Variants in CDH8 observed in about 807,000 individuals in gnomAD.
CDH8 encodes cadherin 8.
Under a neutral mutation model 68.1 loss-of-function variants are expected in CDH8, and 17 were observed. That is an observed-to-expected ratio of 0.25 (90% CI 0.17 to 0.37). The LOEUF (loss-of-function observed/expected upper bound fraction) is 0.37, where lower values mean the gene tolerates loss of function less well. Among genes scored for constraint, CDH8 ranks in the 10% least tolerant of loss-of-function variants. The probability of loss-of-function intolerance (pLI) is 1.00; values close to 1 mark genes in which losing one functional copy is unlikely to be tolerated. For missense variants in CDH8, 763 were observed against 999.3 expected (o/e 0.76, Z 3.19); for synonymous variants, 372 against 365.1 (o/e 1.02, Z -0.21).
chr16:61,824,132 T>C (rs1962277372), intron 5 of CDH8, among the ~76,000 whole-genome samples: 1 of 151,734 alleles, frequency 6.6e-6, no homozygotes, highest in Admixed American at 6.6e-5. Flanking sequence ...ACAACATGAA[T>C]GAACCTAGAG....
intron 10 of CDH8, among the ~76,000 whole-genome samples, chr16:61,697,300 C>T (rs1236959488): frequency 3.3e-5 from 5 of 152,002 alleles, no homozygotes; most frequent in South Asian, 2.1e-4. Flanking sequence ...GAAACACTCA[C>T]ACAACTGTAC....
intron 2 of CDH8, among the ~76,000 whole-genome samples, chr16:61,932,915 AT>A (rs1334229180): frequency 2.0e-5 from 3 of 152,206 alleles, no homozygotes; most frequent in African/African-American, 7.2e-5. Flanking sequence ...TTTAATGTCT[AT>A]GAAGCTTCCA....
At chr16:61,866,558 T>C (rs1030244280) in intron 3 of CDH8, among the ~76,000 whole-genome samples, 1 of 150,498 alleles carries the variant, frequency 6.6e-6, no homozygotes, top group Non-Finnish European at 1.5e-5. Flanking sequence ...GTAGCATACA[T>C]AGAATTATAT....
chr16:61,832,012 A>AG (rs903527048), intron 4 of CDH8, among the ~76,000 whole-genome samples: 1 of 151,706 alleles, frequency 6.6e-6, no homozygotes, highest in Non-Finnish European at 1.5e-5. Flanking sequence ...TACTTCTATA[A>AG]GTGGGGGGGT....
At chr16:61,716,152 A>C (rs1395786701) in intron 9 of CDH8, among the ~76,000 whole-genome samples, 1 of 151,688 alleles carries the variant, frequency 6.6e-6, no homozygotes, top group East Asian at 1.9e-4. Context: ...GAGATCAGTC[A>C]TAATTAAATG....
At position 62,021,370 on chromosome 16, in the gene CDH8, G is replaced by A. The variant is rs374728729; in HGVS notation, c.34C>T (p.Leu12Phe). Reference sequence around the variant, plus strand: ...CATAATATTATTAATGGAGTCCAGAGATCCAAGAGCATTTCCGCTAGCCGT... The same window carrying A: ...CATAATATTATTAATGGAGTCCAGAAATCCAAGAGCATTTCCGCTAGCCGT... ...PERLAEMLLD[L>F]WTPLIILWIT... Residue 12 changes from leucine (L) to phenylalanine (F), a missense_variant, in exon 2 of 12, where the codon CTC (leucine) becomes TTC (phenylalanine). Physicochemically the swap from Leu to Phe is conservative, Grantham distance 22. Transcript: ENST00000577390. 9.3e-6 allele frequency: 15 copies of A among 1,612,342 alleles called. No individual in the cohort carries two copies. The African/African-American group carries it at 2.0e-4, about 22-fold the overall frequency.
intron 10 of CDH8, among the ~76,000 whole-genome samples, chr16:61,682,716 T>C (rs1964037306): frequency 6.6e-6 from 1 of 151,934 alleles, no homozygotes; most frequent in Non-Finnish European, 1.5e-5. Context: ...TGGAAATGCT[T>C]GTTCTGTCCA....
At chr16:62,026,434 A>G (rs892766256) in intron 1 of CDH8, among the ~76,000 whole-genome samples, 7 of 152,172 alleles carry the variant, frequency 4.6e-5, no homozygotes, top group Non-Finnish European at 1.0e-4. Context: ...AGTTCTACAG[A>G]AGACCAGCTC....
At chr16:61,776,487 A>G (rs1055596305) in intron 8 of CDH8, among the ~76,000 whole-genome samples, 6 of 152,130 alleles carry the variant, frequency 3.9e-5, no homozygotes, top group Non-Finnish European at 7.4e-5. Flanking sequence ...AAAGTTGCCA[A>G]CCTGGCCGGG....
chr16:62,011,880 G>T (rs1235748002), intron 2 of CDH8, among the ~76,000 whole-genome samples: 1 of 152,308 alleles, frequency 6.6e-6, no homozygotes, highest in East Asian at 1.9e-4. Context: ...AGCCAGTGCT[G>T]ATGAGAAAAC....
intron 8 of CDH8, among the ~76,000 whole-genome samples, chr16:61,777,772 C>A (rs964949033): frequency 2.0e-5 from 3 of 152,082 alleles, no homozygotes; most frequent in African/African-American, 7.2e-5. Context: ...ATGGGCTATG[C>A]GCAGAATTAC....
At chr16:61,836,645 C>A (rs960320393) in intron 4 of CDH8, among the ~76,000 whole-genome samples, 3 of 151,870 alleles carry the variant, frequency 2.0e-5, no homozygotes, top group African/African-American at 7.3e-5. Flanking sequence ...GAGGGAGTGT[C>A]TTCATTTAAT....
intron 10 of CDH8, among the ~76,000 whole-genome samples, chr16:61,686,771 T>G (rs191170485): frequency 7.0e-4 from 106 of 152,090 alleles, no homozygotes; most frequent in African/African-American, 2.5e-3. Flanking sequence ...TTGTGTTTCT[T>G]TATATTTATT....
At chr16:61,758,243 A>C (rs1006026239) in intron 8 of CDH8, among the ~76,000 whole-genome samples, 6 of 152,200 alleles carry the variant, frequency 3.9e-5, no homozygotes, top group Admixed American at 3.9e-4. Flanking sequence ...TCATGTAGAA[A>C]AAAAGAAAAT....
intron 10 of CDH8, among the ~76,000 whole-genome samples, chr16:61,702,407 A>G (rs1330984870): frequency 6.6e-6 from 1 of 152,120 alleles, no homozygotes; most frequent in East Asian, 1.9e-4. Flanking sequence ...AAGAAAAATA[A>G]GTCAGTCATA....
intron 8 of CDH8, among the ~76,000 whole-genome samples, chr16:61,738,821 G>A (rs1214912656): frequency 6.6e-6 from 1 of 152,086 alleles, no homozygotes; most frequent in Non-Finnish European, 1.5e-5. Context: ...GTGTGTATGT[G>A]TGTGTGCACA....
rs73564355 is a variant in CDH8, at chr16:61,819,173, A to C, written c.1024-1441T>G. On this transcript the variant is annotated intron_variant, in intron 6 of 11. Coordinates refer to ENST00000577390, the MANE Select transcript of CDH8 (RefSeq NM_001796.5). ...AGCTCAAGATAACAACAATGAACCC[A>C]GACACATTCTGGTGTCCCAAGAATT... Among the ~76,000 whole-genome samples, 16 of 152,122 alleles carry C rather than the reference A, an allele frequency of 1.1e-4. No homozygotes were observed. The South Asian group carries it at 3.3e-3, about 31-fold the overall frequency.
At chr16:61,954,316 C>T (rs182132047) in intron 2 of CDH8, among the ~76,000 whole-genome samples, 8 of 152,220 alleles carry the variant, frequency 5.3e-5, no homozygotes, top group Admixed American at 2.0e-4. Flanking sequence ...GGTTTCACAT[C>T]AAAACAATTA....
At chr16:62,016,865 C>T (rs1458915264) in intron 2 of CDH8, among the ~76,000 whole-genome samples, 1 of 152,174 alleles carries the variant, frequency 6.6e-6, no homozygotes, top group Non-Finnish European at 1.5e-5. Flanking sequence ...GTAAGAAAGA[C>T]AGTCTCCACA....
Sources: gnomAD v4.1 joint callset for allele counts (sites outside exome capture counted in the v4.1 genomes callset) on GRCh38, gnomAD v4.1.1 for gene constraint, MANE v1.5 for transcripts, NCBI Gene and HGNC (gene_info 2026-07-23, HGNC 2026-07-21) for gene names.